Variants in FAT3 observed in about 807,000 individuals in gnomAD.
FAT3 encodes the protein protocadherin Fat 3.
Under a neutral mutation model 310.2 loss-of-function variants are expected in FAT3, and 95 were observed. That is an observed-to-expected ratio of 0.31 (90% confidence interval 0.26 to 0.36). The LOEUF (loss-of-function observed/expected upper bound fraction) is 0.36. Among genes scored for constraint, FAT3 ranks in the 10% least tolerant of loss-of-function variants. FAT3 has a pLI of 1.00. For synonymous variants in FAT3, 2,314 were observed against 2,192.9 expected (o/e 1.06, Z -1.54); for missense variants, 5,408 against 5,715.6 (o/e 0.95, Z 1.74).
At chr11:92,836,319 C>G (rs1006007585) in intron 15 of FAT3, among the ~76,000 whole-genome samples, 1 of 152,090 alleles carries the variant, frequency 6.6e-6, no homozygotes, top group Non-Finnish European at 1.5e-5. Context: ...TCAGGCCTAA[C>G]AGGCATCAGG....
chr11:92,241,605 G>A (rs1447520968), intron 1 of FAT3, among the ~76,000 whole-genome samples: 1 of 151,968 alleles, frequency 6.6e-6, no homozygotes, highest in Non-Finnish European at 1.5e-5. Context: ...ATCTGATTGA[G>A]CAGATGTATT....
intron 2 of FAT3, among the ~76,000 whole-genome samples, chr11:92,514,306 A>G (rs1953404930): frequency 6.6e-6 from 1 of 152,204 alleles, no homozygotes. Context: ...TACAGCAAAT[A>G]AAGATAAAAA....
chr11:92,800,557 T>G lies in FAT3; in HGVS notation c.7544T>G (p.Val2515Gly), dbSNP rs1591752278. The G allele has an allele frequency of 6.2e-7, 1 of 1,613,634 alleles. No individual in the cohort carries two copies. Among genetic ancestry groups the G allele is most frequent in the Non-Finnish European group, 8.5e-7 (1 of 1,179,798 alleles). Residue 2515 changes from valine (V) to glycine (G), a missense_variant, in exon 10 of 28, where the codon GTA (valine) becomes GGA (glycine). This residue lies in a region of FAT3 where 4,588 missense variants were observed against 4,809.8 expected (regional missense o/e 0.95). Coordinates refer to ENST00000525166, the MANE Select transcript of FAT3 (RefSeq NM_001367949.2). ...GAGAACGTGGCTGCAGGAACAAAGG[T>G]AATTCATGTTCGAGCCACAGATGGT... is the stretch of plus-strand genomic sequence containing the variant. ...VRENVAAGTK[V>G]IHVRATDGDP...
intron 4 of FAT3, among the ~76,000 whole-genome samples, chr11:92,715,090 G>A (rs948197953): frequency 2.0e-5 from 3 of 151,794 alleles, no homozygotes; most frequent in Middle Eastern, 3.2e-3. Context: ...TATCATAAAT[G>A]TAATAAATGT....
At chr11:92,334,141 C>T (rs1017921359) in intron 1 of FAT3, among the ~76,000 whole-genome samples, 1 of 152,034 alleles carries the variant, frequency 6.6e-6, no homozygotes, top group Non-Finnish European at 1.5e-5. Context: ...TTTGAGAGGC[C>T]GAGGCAGGTG....
intron 1 of FAT3, among the ~76,000 whole-genome samples, chr11:92,281,584 A>T (rs561963530): frequency 2.0e-5 from 3 of 152,192 alleles, no homozygotes; most frequent in African/African-American, 7.2e-5. Context: ...CTGGTCCTAA[A>T]CTATGATATT....
intron 3 of FAT3, among the ~76,000 whole-genome samples, chr11:92,544,271 G>T (rs1565399042): frequency 6.6e-6 from 1 of 152,130 alleles, no homozygotes; most frequent in Non-Finnish European, 1.5e-5. Flanking sequence ...TATGCACTTA[G>T]ATAGAAGAAA....
intron 1 of FAT3, among the ~76,000 whole-genome samples, chr11:92,292,199 G>A (rs926285024): frequency 6.6e-6 from 1 of 151,980 alleles, no homozygotes; most frequent in Non-Finnish European, 1.5e-5. Flanking sequence ...CCTAGTCTTA[G>A]ATTAATGATA....
At chr11:92,351,032 G>A (rs1948549943) in intron 1 of FAT3, among the ~76,000 whole-genome samples, 1 of 152,122 alleles carries the variant, frequency 6.6e-6, no homozygotes, top group Non-Finnish European at 1.5e-5. Flanking sequence ...ATAGGAAAAA[G>A]TTTGTATCTT....
intron 4 of FAT3, among the ~76,000 whole-genome samples, chr11:92,701,909 GT>G (rs1445264381): frequency 6.6e-6 from 1 of 152,032 alleles, no homozygotes; most frequent in East Asian, 1.9e-4. Flanking sequence ...TTCTTTCCTT[GT>G]TTTTTACCTA....
Position 92,311,973 on chromosome 11 carries a change from T to C in FAT3, c.-17-40123T>C, listed in dbSNP as rs183828281. On this transcript the variant is annotated intron_variant, in intron 1 of 27. Coordinates refer to ENST00000525166, the MANE Select transcript of FAT3 (RefSeq NM_001367949.2). Reference sequence around the variant, plus strand: ...CCACATTTTATCCCAATCATCTACATTGAGTAAAAATAAACAAGGAAAAAA... The same window carrying C: ...CCACATTTTATCCCAATCATCTACACTGAGTAAAAATAAACAAGGAAAAAA... Among the ~76,000 whole-genome samples the C allele has an allele frequency of 2.8e-3, 427 of 152,198 alleles. 1 individual carries two copies. Among genetic ancestry groups the C allele is most frequent in the African/African-American group, 9.5e-3 (395 of 41,512 alleles).
At chr11:92,480,015 C>T (rs554241376) in intron 2 of FAT3, among the ~76,000 whole-genome samples, 1 of 152,174 alleles carries the variant, frequency 6.6e-6, no homozygotes, top group East Asian at 1.9e-4. Flanking sequence ...CCTGTAATCC[C>T]AGCACTTTGG....
chr11:92,713,417 T>C (rs1232263128), intron 4 of FAT3, among the ~76,000 whole-genome samples: 1 of 152,238 alleles, frequency 6.6e-6, no homozygotes, highest in Admixed American at 6.5e-5. Context: ...ATAACCCATT[T>C]TCTCTAAAGT....
chr11:92,693,778 G>T (rs558951138), intron 3 of FAT3, among the ~76,000 whole-genome samples: 1 of 152,138 alleles, frequency 6.6e-6, no homozygotes, highest in Non-Finnish European at 1.5e-5. Context: ...ATAACAAGAT[G>T]TATTTATTTA....
intron 4 of FAT3, among the ~76,000 whole-genome samples, chr11:92,758,214 A>G (rs1236247881): frequency 6.6e-6 from 1 of 152,180 alleles, no homozygotes; most frequent in East Asian, 1.9e-4. Context: ...AGTTCTCTTG[A>G]CCTCAAATTG....
At chr11:92,531,865 G>A (rs1382460268) in intron 3 of FAT3, among the ~76,000 whole-genome samples, 1 of 152,022 alleles carries the variant, frequency 6.6e-6, no homozygotes, top group African/African-American at 2.4e-5. Flanking sequence ...GTCGTGGGGA[G>A]CTGTTCTATA....
intron 3 of FAT3, among the ~76,000 whole-genome samples, chr11:92,629,903 A>G (rs759635148): frequency 6.6e-5 from 10 of 152,148 alleles, no homozygotes; most frequent in Non-Finnish European, 1.2e-4. Flanking sequence ...ATTAAAATAC[A>G]TATTTGTAGG....
Position 92,310,166 on chromosome 11 carries a change from C to T in FAT3, c.-17-41930C>T, listed in dbSNP as rs529455303. ...CAATCTTTTCAATGATTTCTGTAAACTGTGGGAATAGGAGTTGTGATCTTA... is the reference window on the plus strand; with the variant it reads ...CAATCTTTTCAATGATTTCTGTAAATTGTGGGAATAGGAGTTGTGATCTTA... On this transcript the variant is annotated intron_variant, in intron 1 of 27. Coordinates refer to ENST00000525166, the MANE Select transcript of FAT3 (RefSeq NM_001367949.2). 2.6e-5 allele frequency among the ~76,000 whole-genome samples: 4 copies of T among 152,182 alleles called. No homozygotes were observed. In the South Asian group the frequency reaches 8.3e-4, roughly 32 times the overall value.
intron 2 of FAT3, among the ~76,000 whole-genome samples, chr11:92,486,986 AAC>A (rs1952430418): frequency 6.6e-6 from 1 of 152,208 alleles, no homozygotes. Context: ...GGCATGAAAG[AAC>A]AAGGGAGAGG....
Sources: gnomAD v4.1 joint callset for allele counts (sites outside exome capture counted in the v4.1 genomes callset) on GRCh38, gnomAD v4.1.1 for gene constraint, gnomAD v4.1.1 regional missense constraint, MANE v1.5 for transcripts, NCBI Gene and HGNC (gene_info 2026-07-23, HGNC 2026-07-21) for gene names.